Variants in ANKS1B observed in about 807,000 individuals in gnomAD.
ANKS1B encodes the protein ankyrin repeat and sterile alpha motif domain-containing protein 1B.
In ANKS1B, 36 loss-of-function variants were observed where a neutral mutation model predicts 148.3. The ratio of observed to expected loss-of-function variants is 0.24; its 90% CI spans 0.19 to 0.32. ANKS1B has a LOEUF of 0.32. ANKS1B is among the 10% of genes least tolerant of loss of function. The probability of loss-of-function intolerance (pLI) is 1.00; values close to 1 mark genes in which losing one functional copy is unlikely to be tolerated. For missense variants in ANKS1B, 1,157 were observed against 1,542.6 expected (o/e 0.75, Z 4.19); for synonymous variants, 542 against 560.8 (o/e 0.97, Z 0.47).
chr12:99,186,599 G>C (rs1429092006), intron 14 of ANKS1B, among the ~76,000 whole-genome samples: 1 of 152,134 alleles, frequency 6.6e-6, no homozygotes, highest in Admixed American at 6.5e-5. Context: ...AGGCAAACAG[G>C]GTCTGGAGTG....
chr12:99,505,899 AC>A (rs1442440844), intron 9 of ANKS1B, among the ~76,000 whole-genome samples: 1 of 152,086 alleles, frequency 6.6e-6, no homozygotes, highest in African/African-American at 2.4e-5. Context: ...AGCCTAGCCT[AC>A]CTTAAATGTG....
At chr12:99,735,651 G>A (rs2059542377) in intron 8 of ANKS1B, among the ~76,000 whole-genome samples, 1 of 151,970 alleles carries the variant, frequency 6.6e-6, no homozygotes, top group African/African-American at 2.4e-5. Flanking sequence ...GCTTGGACCA[G>A]ATGGCTTCAC....
At chr12:99,248,151 C>T (rs1355690087) in intron 12 of ANKS1B, among the ~76,000 whole-genome samples, 1 of 152,048 alleles carries the variant, frequency 6.6e-6, no homozygotes. Context: ...ATATCGAATT[C>T]TCACATTTTT....
At chr12:98,946,404 TC>T (rs1440120408) in intron 17 of ANKS1B, among the ~76,000 whole-genome samples, 2 of 152,224 alleles carry the variant, frequency 1.3e-5, no homozygotes, top group African/African-American at 4.8e-5. Flanking sequence ...TTGTTATATT[TC>T]CTCATTCATT....
At chr12:99,048,803 G>C (rs1405884189) in intron 17 of ANKS1B, 2 of 152,282 alleles carry the variant, frequency 1.3e-5, no homozygotes, top group Non-Finnish European at 2.9e-5. Flanking sequence ...GGCTGGCTGA[G>C]GGAAGCTTCA....
intron 8 of ANKS1B, among the ~76,000 whole-genome samples, chr12:99,766,786 A>C (rs944981939): frequency 5.9e-5 from 9 of 152,160 alleles, no homozygotes; most frequent in African/African-American, 9.7e-5. Context: ...ATGTTCCTAT[A>C]ATAAGCCTCT....
At chr12:99,929,123 G>A (rs2094548320) in intron 1 of ANKS1B, among the ~76,000 whole-genome samples, 1 of 152,104 alleles carries the variant, frequency 6.6e-6, no homozygotes, top group Non-Finnish European at 1.5e-5. Context: ...AATATTTCAG[G>A]TTCAGCTCAC....
chr12:99,506,902 A>G (rs981616686), intron 9 of ANKS1B, among the ~76,000 whole-genome samples: 4 of 152,114 alleles, frequency 2.6e-5, no homozygotes, highest in South Asian at 2.1e-4. Context: ...TGGATGAAAC[A>G]CATTGTACAA....
At chr12:99,932,071 A>G (rs554586226) in intron 1 of ANKS1B, among the ~76,000 whole-genome samples, 18 of 152,234 alleles carry the variant, frequency 1.2e-4, no homozygotes, top group African/African-American at 3.9e-4. Context: ...ACGTCTTCCA[A>G]TTCCATCCAT....
chr12:99,216,331 C>A (rs1210148310), intron 14 of ANKS1B, among the ~76,000 whole-genome samples: 1 of 152,078 alleles, frequency 6.6e-6, no homozygotes, highest in Non-Finnish European at 1.5e-5. Flanking sequence ...ACCCTGGGAC[C>A]CTGGGCATAT....
chr12:99,151,099 T>C (rs2074742995), intron 15 of ANKS1B, among the ~76,000 whole-genome samples: 2 of 152,142 alleles, frequency 1.3e-5, no homozygotes, highest in African/African-American at 4.8e-5. Context: ...CAAACCAAAC[T>C]GAAAATCAAA....
At chr12:99,330,167 G>A (rs2087228205) in intron 12 of ANKS1B, among the ~76,000 whole-genome samples, 1 of 151,894 alleles carries the variant, frequency 6.6e-6, no homozygotes, top group Admixed American at 6.6e-5. Flanking sequence ...AAGGGCTATG[G>A]ACTAGGGTAA....
At chr12:99,757,616 C>T (rs949116292) in intron 8 of ANKS1B, among the ~76,000 whole-genome samples, 2 of 151,962 alleles carry the variant, frequency 1.3e-5, no homozygotes, top group African/African-American at 4.8e-5. Context: ...AAAAATCATT[C>T]TATTATAAAG....
intron 14 of ANKS1B, among the ~76,000 whole-genome samples, chr12:99,207,374 A>AGTAG (rs2082800738): frequency 1.5e-5 from 1 of 67,070 alleles, no homozygotes; most frequent in African/African-American, 8.0e-5. Context: ...TGTTAAATTA[A>AGTAG]TAGATATTTA....
At chr12:99,890,625 ATTCTCTTGTTTCAAT>A (rs1429457843) in intron 1 of ANKS1B, among the ~76,000 whole-genome samples, 8 of 106,844 alleles carry the variant, frequency 7.5e-5, no homozygotes, top group Non-Finnish European at 1.6e-4. Flanking sequence ...GTGTGTGTGT[ATTCTCTTGTTTCAAT>A]TTCTCCAGGG....
chr12:99,141,917 G>A (rs1441466460), intron 15 of ANKS1B, among the ~76,000 whole-genome samples: 1 of 151,732 alleles, frequency 6.6e-6, no homozygotes, highest in African/African-American at 2.4e-5. Flanking sequence ...TTTTTCCCAT[G>A]GAGCAAGCTT....
chr12:99,162,123 G>C (rs1213601777), intron 14 of ANKS1B, among the ~76,000 whole-genome samples: 1 of 152,078 alleles, frequency 6.6e-6, no homozygotes, highest in East Asian at 1.9e-4. Context: ...GTCAAGAATA[G>C]ACAAATCTAT....
At chr12:99,975,844 G>T (rs2095620986) in intron 1 of ANKS1B, among the ~76,000 whole-genome samples, 1 of 152,098 alleles carries the variant, frequency 6.6e-6, no homozygotes, top group Non-Finnish European at 1.5e-5. Flanking sequence ...CAATCCCATT[G>T]CTGTGTATAT....
chr12:99,694,834 T>C (rs1388856419), intron 8 of ANKS1B, among the ~76,000 whole-genome samples: 1 of 152,214 alleles, frequency 6.6e-6, no homozygotes, highest in South Asian at 2.1e-4. Flanking sequence ...CTTCAGCATC[T>C]CTGGGAAATC....
Sources: gnomAD v4.1 joint callset for allele counts (sites outside exome capture counted in the v4.1 genomes callset) on GRCh38, gnomAD v4.1.1 for gene constraint, MANE v1.5 for transcripts, NCBI Gene and HGNC (gene_info 2026-07-23, HGNC 2026-07-21) for gene names.